CADPS2: variants seen among roughly 807,000 people sequenced by gnomAD.
The protein encoded by CADPS2 is calcium dependent secretion activator 2, also known as calcium-dependent secretion activator 2.
Under a neutral mutation model 172.5 loss-of-function variants are expected in CADPS2, and 93 were observed. The observed-to-expected ratio is 0.54, with a 90% CI of 0.46 to 0.64. The LOEUF is 0.64. CADPS2 is among the 30% of genes least tolerant of loss of function. CADPS2 has a pLI of 0.00. For synonymous variants in CADPS2, 546 were observed against 555.2 expected, an observed-to-expected ratio of 0.98 and a Z score of 0.23; for missense variants, 1,420 against 1,565.9, an observed-to-expected ratio of 0.91 and a Z score of 1.57.
At chr7:122,390,712 A>G (rs1159200081) in intron 22 of CADPS2, among the ~76,000 whole-genome samples, 1 of 152,076 alleles carries the variant, frequency 6.6e-6, no homozygotes, top group Non-Finnish European at 1.5e-5. Flanking sequence ...TTATAATTAG[A>G]TAGATATATG....
At chr7:122,640,827 T>C (rs2077556551) in intron 3 of CADPS2, among the ~76,000 whole-genome samples, 1 of 151,114 alleles carries the variant, frequency 6.6e-6, no homozygotes, top group African/African-American at 2.4e-5. Context: ...CCAGCTACTC[T>C]GGAGGCTGAG....
At chr7:122,551,093 A>T (rs938566161) in intron 8 of CADPS2, among the ~76,000 whole-genome samples, 3 of 152,116 alleles carry the variant, frequency 2.0e-5, no homozygotes, top group Non-Finnish European at 4.4e-5. Flanking sequence ...TATCAGAAAC[A>T]TGAGCTTTAG....
intron 1 of CADPS2, among the ~76,000 whole-genome samples, chr7:122,883,531 A>C (rs1823514506): frequency 6.6e-6 from 1 of 152,204 alleles, no homozygotes; most frequent in South Asian, 2.1e-4. Context: ...CTTTTAGATA[A>C]TCTAACTGTA....
intron 3 of CADPS2, among the ~76,000 whole-genome samples, chr7:122,639,740 A>G (rs2077409072): frequency 6.6e-6 from 1 of 152,186 alleles, no homozygotes; most frequent in Admixed American, 6.5e-5. Context: ...ATACTAAGCC[A>G]AATATGATTT....
intron 1 of CADPS2, chr7:122,850,255 T>C (rs554496439): frequency 3.1e-6 from 3 of 981,784 alleles, no homozygotes; most frequent in East Asian, 3.2e-5. Flanking sequence ...CAGCTCCTGC[T>C]CCACTGGGGG....
At chr7:122,381,397 C>T (rs898579852) in intron 24 of CADPS2, among the ~76,000 whole-genome samples, 2 of 152,138 alleles carry the variant, frequency 1.3e-5, no homozygotes. Context: ...AGCATGCAGG[C>T]ATTGAGGCAC....
chr7:122,675,629 C>A (rs1057340076), intron 2 of CADPS2, among the ~76,000 whole-genome samples: 2 of 151,968 alleles, frequency 1.3e-5, no homozygotes, highest in Admixed American at 6.6e-5. Context: ...CATGGAATAC[C>A]ACGCAGCCAT....
intron 2 of CADPS2, among the ~76,000 whole-genome samples, chr7:122,700,173 G>C (rs1325200234): frequency 2.6e-5 from 4 of 152,088 alleles, no homozygotes; most frequent in Non-Finnish European, 5.9e-5. Context: ...CCACCAGCTA[G>C]GAAACCGAGG....
intron 15 of CADPS2, among the ~76,000 whole-genome samples, chr7:122,448,667 C>A (rs1586150528): frequency 6.6e-6 from 1 of 152,232 alleles, no homozygotes; most frequent in South Asian, 2.1e-4. Context: ...ATTAGTCTAA[C>A]TCAATATAGC....
At position 122,863,922 on chromosome 7, in the gene CADPS2, C is replaced by A. The variant is rs186419477; in HGVS notation, c.339+22077G>T. 3.8e-3 allele frequency among the ~76,000 whole-genome samples: 572 copies of A among 152,130 alleles called. 1 individual carries two copies. The highest frequency in any genetic ancestry group is 6.3e-3 in the Non-Finnish European group (426 of 67,984). ...GCAGGTGCCTGTAATCCTAGCTACT[C>A]GGGAGGCTGAGGCAGGAGAACTGCT... On this transcript the variant is annotated intron_variant, in intron 1 of 29. Coordinates refer to ENST00000449022, the MANE Select transcript of CADPS2 (RefSeq NM_017954.11).
At chr7:122,603,457 G>T (rs531436654) in intron 6 of CADPS2, among the ~76,000 whole-genome samples, 201 of 103,060 alleles carry the variant, frequency 2.0e-3, no homozygotes, top group African/African-American at 9.5e-3. Flanking sequence ...GAATACATGA[G>T]CAGAAAAAAA....
chr7:122,680,681 TC>T (rs2082925279), intron 2 of CADPS2, among the ~76,000 whole-genome samples: 1 of 152,188 alleles, frequency 6.6e-6, no homozygotes, highest in South Asian at 2.1e-4. Flanking sequence ...GCCACTGCAC[TC>T]CAGCCTGGGC....
chr7:122,767,210 T>C (rs2093579807), intron 1 of CADPS2, among the ~76,000 whole-genome samples: 1 of 152,164 alleles, frequency 6.6e-6, no homozygotes, highest in African/African-American at 2.4e-5. Context: ...GACATCCACA[T>C]TTACAGGATC....
At chr7:122,709,688 A>C (rs2088335491) in intron 2 of CADPS2, among the ~76,000 whole-genome samples, 1 of 152,192 alleles carries the variant, frequency 6.6e-6, no homozygotes, top group South Asian at 2.1e-4. Flanking sequence ...CTGGAGTAAG[A>C]AAATATGGCA....
At chr7:122,718,608 T>C (rs2089983310) in intron 2 of CADPS2, among the ~76,000 whole-genome samples, 1 of 152,080 alleles carries the variant, frequency 6.6e-6, no homozygotes, top group African/African-American at 2.4e-5. Flanking sequence ...CTAGTGAGTG[T>C]AACAAAGCTT....
intron 1 of CADPS2, among the ~76,000 whole-genome samples, chr7:122,822,785 C>G (rs2140404459): frequency 6.6e-6 from 1 of 151,982 alleles, no homozygotes; most frequent in African/African-American, 2.4e-5. Context: ...AGCACCCCCA[C>G]TGAACACCTT....
Position 122,490,141 on chromosome 7 carries a change from C to T in CADPS2, c.1792G>A (p.Ala598Thr), listed in dbSNP as rs772792344. The stretch of plus-strand genomic sequence containing the variant: ...GGATTCAGTTTCTGGGTTTGAATTG[C>T]AGGAACTGGTTTATATGATTGACCT... ...ATGQSYKPVP[A>T]IQTQKLNPKG... Residue 598 changes from alanine (A) to threonine (T), a missense_variant, in exon 11 of 30, where the codon GCA becomes ACA. Coordinates refer to ENST00000449022, the MANE Select transcript of CADPS2 (RefSeq NM_017954.11). 2 of 1,613,438 alleles carry T rather than the reference C, an allele frequency of 1.2e-6. No individual in the cohort carries two copies. Among genetic ancestry groups the T allele is most frequent in the Non-Finnish European group, 1.7e-6 (2 of 1,179,558 alleles).
rs752631327 is a variant in CADPS2 at position 122,713,633 on chromosome 7, GAAAA to G, written c.453+23318_453+23321del. Among the ~76,000 whole-genome samples, 3 of 145,146 alleles carry G rather than the reference GAAAA, an allele frequency of 2.1e-5. No homozygotes were observed. The East Asian group carries it at 6.0e-4, about 29-fold the overall frequency. ...TATTTTGACATAAAATATTGGTAAA[GAAAA>G]AAAAAAGTGATAAGTATCACTTTTC... On this transcript the variant is annotated intron_variant, in intron 2 of 29. Transcript: ENST00000449022.
rs1797841106 is a variant in CADPS2, at chr7:122,802,367, C to G, written c.340-65299G>C. ...TTCCTGCCTCAGGCCCTGCCTAATG[C>G]ACTTCCTGTTCCCTCTGCGTCACAT... On this transcript the variant is annotated intron_variant, in intron 1 of 29. Transcript: ENST00000449022. Among the ~76,000 whole-genome samples, 2 of 152,230 alleles carry G rather than the reference C, an allele frequency of 1.3e-5. 1 individual carries two copies. The highest frequency in any genetic ancestry group is 1.3e-4 in the Admixed American group (2 of 15,276).
Sources: gnomAD v4.1 joint callset for allele counts (sites outside exome capture counted in the v4.1 genomes callset) on GRCh38, gnomAD v4.1.1 for gene constraint, MANE v1.5 for transcripts, NCBI Gene and HGNC (gene_info 2026-07-23, HGNC 2026-07-21) for gene names.